The following KAT6B variants were observed in gnomAD, a reference collection of about 807,000 sequenced individuals.
KAT6B encodes the protein histone acetyltransferase KAT6B.
Under a neutral mutation model 187.5 loss-of-function variants are expected in KAT6B, and 10 were observed. The observed-to-expected ratio is 0.05, with a 90% CI of 0.03 to 0.09. KAT6B has a LOEUF of 0.09. Among genes scored for constraint, KAT6B ranks in the 10% least tolerant of loss-of-function variants. The pLI, the probability that KAT6B is intolerant of heterozygous loss-of-function variation, is 1.00. For missense variants in KAT6B, 1,952 were observed against 2,558.9 expected, an observed-to-expected ratio of 0.76 and a Z score of 5.12; for synonymous variants, 861 against 926.8, an observed-to-expected ratio of 0.93 and a Z score of 1.29.
Position 75,030,065 on chromosome 10 carries a change from C to T in KAT6B, c.5241C>T (p.Ser1747=), listed in dbSNP as rs1363271666. The change falls in exon 18 of 18, where the codon AGC becomes AGT. Residue 1747 remains serine (S), a synonymous_variant. Coordinates refer to ENST00000287239, the MANE Select transcript of KAT6B (RefSeq NM_012330.4). This position sits in a 1 kb window ranked among gnomAD's most constrained non-coding sequence, Gnocchi z 4.8. ...QTSISSPPTC[S]VKSPQGCVVE... The stretch of plus-strand genomic sequence containing the variant: ...GCATCAGCTCCCCTCCGACCTGCAG[C>T]GTCAAGTCTCCTCAAGGCTGTGTGG... 8.1e-6 allele frequency: 13 copies of T among 1,614,102 alleles called. No individual in the cohort carries two copies. Among genetic ancestry groups the T allele is most frequent in the Admixed American group, 1.7e-5 (1 of 60,012 alleles).
At chr10:74,903,710 C>T (rs1846556837) in intron 3 of KAT6B, among the ~76,000 whole-genome samples, 1 of 152,184 alleles carries the variant, frequency 6.6e-6, no homozygotes, top group Admixed American at 6.5e-5. Flanking sequence ...ATTTCTGACC[C>T]ACTCAGCTGT....
intron 3 of KAT6B, among the ~76,000 whole-genome samples, chr10:74,853,604 A>G (rs1182857558): frequency 1.4e-5 from 2 of 140,664 alleles, no homozygotes; most frequent in South Asian, 2.3e-4. Flanking sequence ...TTTTATTTTT[A>G]ATATATAAGA....
chr10:74,859,449 A>G (rs1407823340), intron 3 of KAT6B, among the ~76,000 whole-genome samples: 1 of 152,190 alleles, frequency 6.6e-6, no homozygotes, highest in Non-Finnish European at 1.5e-5. Flanking sequence ...AAAGAAACTC[A>G]TTTATTTAAA....
intron 3 of KAT6B, among the ~76,000 whole-genome samples, chr10:74,847,383 C>T (rs1031298695): frequency 1.3e-5 from 2 of 152,234 alleles, no homozygotes; most frequent in African/African-American, 4.8e-5. Flanking sequence ...TTTTTTCCAG[C>T]TGGGTGCAGT....
intron 4 of KAT6B, among the ~76,000 whole-genome samples, chr10:74,962,829 T>C (rs1270940248): frequency 6.6e-6 from 1 of 152,150 alleles, no homozygotes; most frequent in Admixed American, 6.5e-5. Context: ...TGGGCAGTAT[T>C]TTCTTTAACA....
intron 3 of KAT6B, among the ~76,000 whole-genome samples, chr10:74,851,293 G>A (rs573627381): frequency 1.3e-5 from 2 of 149,436 alleles, no homozygotes; most frequent in African/African-American, 4.9e-5. Context: ...ATTTTTAGTA[G>A]AGACAGGGTT....
intron 9 of KAT6B, among the ~76,000 whole-genome samples, 178 bp downstream of exon 9, chr10:74,977,615 G>C (rs1188016177): frequency 1.3e-5 from 2 of 152,156 alleles, no homozygotes; most frequent in African/African-American, 2.4e-5. Flanking sequence ...TAGTAGAATT[G>C]TCGCCACTCT....
intron 3 of KAT6B, among the ~76,000 whole-genome samples, chr10:74,933,064 T>C (rs1243970908): frequency 1.3e-5 from 2 of 152,232 alleles, no homozygotes; most frequent in African/African-American, 4.8e-5. Context: ...AACAGGTCAC[T>C]TGGCCTAATC....
At chr10:75,011,477 T>G (rs1232220268) in intron 13 of KAT6B, among the ~76,000 whole-genome samples, 1 of 152,218 alleles carries the variant, frequency 6.6e-6, no homozygotes, top group Non-Finnish European at 1.5e-5. Flanking sequence ...TAACTTAGTT[T>G]GGTGATAGGC....
chr10:74,976,789 T>C (rs1036038085), intron 8 of KAT6B: 1 of 288,186 alleles, frequency 3.5e-6, no homozygotes, highest in Non-Finnish European at 6.7e-6. Context: ...TGCTTCCGTC[T>C]CAGCAAAGCC....
At chr10:75,003,555 TTGGAA>T (rs1330397489) in intron 13 of KAT6B, among the ~76,000 whole-genome samples, 8 of 152,204 alleles carry the variant, frequency 5.3e-5, no homozygotes, top group Non-Finnish European at 1.2e-4. Flanking sequence ...TTGCTGGGTT[TTGGAA>T]GACACATTTT....
intron 3 of KAT6B, among the ~76,000 whole-genome samples, chr10:74,931,007 A>C (rs1285211861): frequency 2.0e-5 from 3 of 152,364 alleles, no homozygotes; most frequent in African/African-American, 7.2e-5. Flanking sequence ...TCTTGATTAT[A>C]GTAACAGGCA....
chr10:74,903,284 C>A (rs1012586111), intron 3 of KAT6B, among the ~76,000 whole-genome samples: 1 of 152,158 alleles, frequency 6.6e-6, no homozygotes, highest in Non-Finnish European at 1.5e-5. Flanking sequence ...ATAGGTGGAA[C>A]CTATGCATGT....
At chr10:74,840,398 A>G (rs1322884389) in intron 2 of KAT6B, among the ~76,000 whole-genome samples, 1 of 152,322 alleles carries the variant, frequency 6.6e-6, no homozygotes, top group Admixed American at 6.5e-5. Flanking sequence ...GTTTTTGGAC[A>G]TTTGAAGGCC....
chr10:75,015,322 A>G lies in KAT6B; in HGVS notation c.2630-5260A>G, dbSNP rs529885778. Among the ~76,000 whole-genome samples the G allele has an allele frequency of 2.9e-4, 44 of 152,340 alleles. 1 individual carries two copies. The South Asian group carries it at 8.9e-3, about 31-fold the overall frequency. The stretch of plus-strand genomic sequence containing the variant: ...GCCAAGGAGGCACCTGTATCTTTTA[A>G]TAAGTGGAAAGCAGTAAGATATCAG... On this transcript the variant is annotated intron_variant, in intron 13 of 17. Coordinates refer to ENST00000287239, the MANE Select transcript of KAT6B (RefSeq NM_012330.4).
At chr10:74,869,615 C>T (rs1445632427) in intron 3 of KAT6B, among the ~76,000 whole-genome samples, 1 of 152,166 alleles carries the variant, frequency 6.6e-6, no homozygotes, top group African/African-American at 2.4e-5. Flanking sequence ...AAGACTTTTC[C>T]CACCTCTTTG....
chr10:74,920,415 G>A (rs535242685), intron 3 of KAT6B, among the ~76,000 whole-genome samples: 1 of 152,312 alleles, frequency 6.6e-6, no homozygotes, highest in East Asian at 1.9e-4. Flanking sequence ...GGCTCTGAGT[G>A]TTGGGTTTAC....
intron 3 of KAT6B, among the ~76,000 whole-genome samples, chr10:74,889,405 CA>C (rs1477119713): frequency 6.6e-6 from 1 of 152,160 alleles, no homozygotes; most frequent in Non-Finnish European, 1.5e-5. Context: ...CGTTCAGCTT[CA>C]TTAAGAAGTT....
chr10:75,004,135 A>G (rs531485029), intron 13 of KAT6B, among the ~76,000 whole-genome samples: 1 of 152,186 alleles, frequency 6.6e-6, no homozygotes, highest in East Asian at 1.9e-4. Context: ...TTATTTTGAA[A>G]TCCACTACTG....
Sources: allele counts gnomAD v4.1 joint callset (sites outside exome capture counted in the v4.1 genomes callset), GRCh38; gene constraint gnomAD v4.1.1; non-coding constraint Gnocchi (gnomAD v3.1); transcripts MANE v1.5; gene names NCBI Gene and HGNC (gene_info 2026-07-23, HGNC 2026-07-21).